The following STXBP5L variants were observed in gnomAD, a reference collection of about 807,000 sequenced individuals.
STXBP5L encodes syntaxin binding protein 5L.
A neutral mutation model predicts 144.5 loss-of-function variants in STXBP5L; 65 were observed. That is an observed-to-expected ratio of 0.45 (90% CI 0.37 to 0.55). STXBP5L has a LOEUF of 0.55. Ranked by LOEUF, STXBP5L falls within the 20% of genes least tolerant of loss-of-function variation. The probability of loss-of-function intolerance (pLI) is 0.00; values close to 1 mark genes in which losing one functional copy is unlikely to be tolerated. For synonymous variants in STXBP5L, 505 were observed against 469.6 expected (o/e 1.08, Z -0.97); for missense variants, 1,298 against 1,405.5 (o/e 0.92, Z 1.22).
intron 22 of STXBP5L, among the ~76,000 whole-genome samples, chr3:121,394,145 C>T (rs1424931438): frequency 6.6e-6 from 1 of 152,030 alleles, no homozygotes. Context: ...CTTTCACCTC[C>T]TTGATTAATG....
Position 120,989,328 on chromosome 3 carries a change from T to A in STXBP5L, c.287+34291T>A, listed in dbSNP as rs149633141. 3.9e-5 allele frequency among the ~76,000 whole-genome samples: 6 copies of A among 152,356 alleles called. No homozygotes were observed. The East Asian group carries it at 9.6e-4, about 24-fold the overall frequency. On this transcript the variant is annotated intron_variant, in intron 3 of 26. Coordinates refer to ENST00000471454, the MANE Select transcript of STXBP5L (RefSeq NM_001308330.2). Reference sequence around the variant, plus strand: ...ATTGACTTTTAAATAATAGCCATTCTGACTGGTGTAAGATGGTATCTCGCT... The same window carrying A: ...ATTGACTTTTAAATAATAGCCATTCAGACTGGTGTAAGATGGTATCTCGCT...
At chr3:121,020,217 AACAAAG>A (rs1354306611) in intron 3 of STXBP5L, among the ~76,000 whole-genome samples, 1 of 152,162 alleles carries the variant, frequency 6.6e-6, no homozygotes. Flanking sequence ...AATCCAATCC[AACAAAG>A]ACAAAGAAAA....
intron 11 of STXBP5L, 127 bp downstream of exon 11, chr3:121,223,284 A>T: frequency 1.1e-6 from 1 of 948,570 alleles, no homozygotes; most frequent in Non-Finnish European, 1.5e-6. Context: ...CAAGTGCTGG[A>T]ACAGGTTCTG....
At chr3:121,226,025 G>A (rs1469334136) in intron 11 of STXBP5L, among the ~76,000 whole-genome samples, 1 of 152,096 alleles carries the variant, frequency 6.6e-6, no homozygotes, top group African/African-American at 2.4e-5. Flanking sequence ...TGAGAGACAG[G>A]GAGCTGAAAA....
intron 12 of STXBP5L, among the ~76,000 whole-genome samples, chr3:121,238,353 T>G (rs1283827000): frequency 1.3e-5 from 2 of 152,110 alleles, no homozygotes; most frequent in Non-Finnish European, 2.9e-5. Flanking sequence ...TCCAGGCTCT[T>G]TTTAACAACC....
intron 3 of STXBP5L, among the ~76,000 whole-genome samples, chr3:121,029,875 A>G (rs1214445700): frequency 2.0e-5 from 3 of 152,148 alleles, no homozygotes; most frequent in African/African-American, 7.2e-5. Context: ...AAGGATATGA[A>G]CAGAGACTTC....
At chr3:120,988,032 T>A (rs1162725512) in intron 3 of STXBP5L, among the ~76,000 whole-genome samples, 2 of 151,792 alleles carry the variant, frequency 1.3e-5, no homozygotes, top group Non-Finnish European at 3.0e-5. Flanking sequence ...TTTTGTAGTT[T>A]GTCATCAGTC....
intron 19 of STXBP5L, among the ~76,000 whole-genome samples, chr3:121,303,114 A>G (rs1258528906): frequency 6.6e-6 from 1 of 152,112 alleles, no homozygotes; most frequent in African/African-American, 2.4e-5. Flanking sequence ...ATGGGAGAAA[A>G]TTTTTGCAAT....
chr3:121,180,767 G>C (rs1442091842), intron 9 of STXBP5L, among the ~76,000 whole-genome samples: 2 of 152,178 alleles, frequency 1.3e-5, no homozygotes, highest in Non-Finnish European at 2.9e-5. Context: ...TCAGCTACTT[G>C]GGAGGCTGAG....
intron 22 of STXBP5L, among the ~76,000 whole-genome samples, chr3:121,404,275 A>T (rs2046947866): frequency 6.6e-6 from 1 of 152,102 alleles, no homozygotes; most frequent in Non-Finnish European, 1.5e-5. Context: ...TTTGTTAACA[A>T]ATCCTGCTGG....
intron 5 of STXBP5L, among the ~76,000 whole-genome samples, chr3:121,069,450 A>G (rs1183656062): frequency 6.6e-6 from 1 of 151,604 alleles, no homozygotes; most frequent in African/African-American, 2.4e-5. Flanking sequence ...AGCTGCTATG[A>G]TCATTTGTGT....
intron 9 of STXBP5L, among the ~76,000 whole-genome samples, chr3:121,174,941 G>GA (rs1263667257): frequency 6.6e-6 from 1 of 151,610 alleles, no homozygotes; most frequent in Non-Finnish European, 1.5e-5. Context: ...AAGGGAACAG[G>GA]AAAAAAAACC....
At chr3:121,069,119 C>G (rs1458391003) in intron 5 of STXBP5L, among the ~76,000 whole-genome samples, 3 of 152,106 alleles carry the variant, frequency 2.0e-5, no homozygotes, top group Non-Finnish European at 4.4e-5. Context: ...AAAGATTGTT[C>G]TTGTGCTACC....
intron 23 of STXBP5L, 22 bp downstream of exon 23, chr3:121,407,625 A>G: frequency 6.2e-7 from 1 of 1,612,418 alleles, no homozygotes; most frequent in Non-Finnish European, 8.5e-7. Flanking sequence ...CTTATAAATT[A>G]TCTGGTAATC....
intron 2 of STXBP5L, among the ~76,000 whole-genome samples, chr3:120,946,549 ACTT>A (rs1439166907): frequency 6.6e-6 from 1 of 151,680 alleles, no homozygotes; most frequent in Non-Finnish European, 1.5e-5. Flanking sequence ...CTGAACTAAA[ACTT>A]CTATTAGTAT....
chr3:121,144,542 A>G (rs1362340158), intron 7 of STXBP5L, among the ~76,000 whole-genome samples: 2 of 151,968 alleles, frequency 1.3e-5, no homozygotes, highest in African/African-American at 2.4e-5. Flanking sequence ...TTCAACCACT[A>G]TGGAAAGCAG....
chr3:120,959,392 A>G (rs1938465094), intron 3 of STXBP5L, among the ~76,000 whole-genome samples: 1 of 152,196 alleles, frequency 6.6e-6, no homozygotes, highest in Non-Finnish European at 1.5e-5. Context: ...ACAGAACTGG[A>G]AAAAACTACT....
At chr3:120,996,640 C>G (rs1269424661) in intron 3 of STXBP5L, among the ~76,000 whole-genome samples, 1 of 152,088 alleles carries the variant, frequency 6.6e-6, no homozygotes, top group Non-Finnish European at 1.5e-5. Context: ...GCACTGGTAG[C>G]CACCATTTTA....
rs1332980111 is a variant in STXBP5L at position 121,423,071 on chromosome 3, T to G, written c.*3974T>G. ...TTGGGTCAAACTGGGAGTATATCTG[T>G]GTGATTACAACCTGCTGCTATGAGA... On this transcript the variant is annotated 3_prime_UTR_variant, in exon 27 of 27. Transcript: ENST00000471454. 6.6e-6 allele frequency: 1 copy of G among 152,226 alleles called. No individual in the cohort carries two copies. The allele number at this position is 152,226 out of a possible 1,614,324, so 9.4% of individuals were successfully genotyped here.
Sources: gnomAD v4.1 joint callset for allele counts (sites outside exome capture counted in the v4.1 genomes callset) on GRCh38, gnomAD v4.1.1 for gene constraint, MANE v1.5 for transcripts, NCBI Gene and HGNC (gene_info 2026-07-23, HGNC 2026-07-21) for gene names.